The following MAP2 variants were observed in gnomAD, a reference collection of about 807,000 sequenced individuals.
The protein encoded by MAP2 is microtubule associated protein 2, also known as microtubule-associated protein 2.
In MAP2, 14 loss-of-function variants were observed where a neutral mutation model predicts 137.6. The ratio of observed to expected loss-of-function variants is 0.10; its 90% CI spans 0.07 to 0.16. MAP2 has a LOEUF of 0.16. Among genes scored for constraint, MAP2 ranks in the 10% least tolerant of loss-of-function variants. The pLI, the probability that MAP2 is intolerant of heterozygous loss-of-function variation, is 1.00. For missense variants in MAP2, 2,088 were observed against 2,191.5 expected (o/e 0.95, Z 0.94); for synonymous variants, 786 against 782.3 (o/e 1.00, Z -0.08).
intron 1 of MAP2, among the ~76,000 whole-genome samples, chr2:209,450,079 C>T (rs1392215315): frequency 6.6e-6 from 1 of 152,030 alleles, no homozygotes; most frequent in Non-Finnish European, 1.5e-5. Flanking sequence ...GTAGCTGGGA[C>T]TACAGACATG....
At chr2:209,653,798 C>T (rs2153612086) in intron 5 of MAP2, among the ~76,000 whole-genome samples, 1 of 152,242 alleles carries the variant, frequency 6.6e-6, no homozygotes, top group South Asian at 2.1e-4. Context: ...TGATTAGAAG[C>T]ATATTTTTTA....
At chr2:209,523,298 AGAGACCACACAT>A (rs1577047255) in intron 2 of MAP2, among the ~76,000 whole-genome samples, 1 of 152,174 alleles carries the variant, frequency 6.6e-6, no homozygotes, top group Non-Finnish European at 1.5e-5. Flanking sequence ...TGTTGAAGTC[AGAGACCACACAT>A]GGCTTGTCAT....
intron 3 of MAP2, among the ~76,000 whole-genome samples, chr2:209,617,023 GC>G (rs75169830): frequency 0.17 from 26,472 of 152,084 alleles, 3,438 homozygotes; most frequent in African/African-American, 0.36. Context: ...GTAGATCAAA[GC>G]ATTTCTTTAT....
At chr2:209,705,900 G>T (rs1000608186) in intron 12 of MAP2, among the ~76,000 whole-genome samples, 173 bp downstream of exon 12, 7 of 152,084 alleles carry the variant, frequency 4.6e-5, no homozygotes, top group Non-Finnish European at 8.8e-5. Context: ...ATAGCTGTTT[G>T]AGTAAAAACA....
chr2:209,514,490 A>G lies in MAP2; in HGVS notation c.-172+6849A>G, dbSNP rs552201685. 3.3e-5 allele frequency among the ~76,000 whole-genome samples: 5 copies of G among 152,232 alleles called. No homozygotes were observed. In the South Asian group the frequency reaches 1.0e-3, roughly 32 times the overall value. ...TCAGTTCTGTGGATTTAATTCACTG[A>G]CCAGCTAATCTTTATTCTTTTCCTA... is the stretch of plus-strand genomic sequence containing the variant. On this transcript the variant is annotated intron_variant, in intron 2 of 15. Transcript: ENST00000682079.
intron 1 of MAP2, among the ~76,000 whole-genome samples, chr2:209,439,649 C>T (rs1697263228): frequency 6.6e-6 from 1 of 151,410 alleles, no homozygotes; most frequent in Non-Finnish European, 1.5e-5. Flanking sequence ...ACAATTGTAG[C>T]TCCATAGAAA....
At chr2:209,726,054 G>A (rs149025513) in intron 14 of MAP2, among the ~76,000 whole-genome samples, 86 of 152,182 alleles carry the variant, frequency 5.7e-4, no homozygotes, top group African/African-American at 1.9e-3. Context: ...TACTCAACAC[G>A]CTTATTGGAG....
intron 1 of MAP2, among the ~76,000 whole-genome samples, chr2:209,478,013 A>G (rs1419974983): frequency 6.6e-6 from 1 of 152,074 alleles, no homozygotes; most frequent in Admixed American, 6.6e-5. Flanking sequence ...CAAAAAATAA[A>G]ATAAAGATAC....
chr2:209,424,283 G>T lies in MAP2; in HGVS notation c.-222+7G>T, dbSNP rs1170618059. The T allele has an allele frequency of 6.6e-6, 1 of 152,348 alleles. No individual in the cohort carries two copies. Among genetic ancestry groups the T allele is most frequent in the Admixed American group, 6.5e-5 (1 of 15,272 alleles). The allele number at this position is 152,348 out of a possible 1,614,324, so 9.4% of individuals were successfully genotyped here. A position where few individuals can be genotyped will look rare whatever the true frequency, so the allele number is the denominator to read the frequency against. ...ATCCAGTTTCTGCGCCCAGGTAAGAGACCGTCCCCACCTCTGGCTCTATGT... is the reference window on the plus strand; with the variant it reads ...ATCCAGTTTCTGCGCCCAGGTAAGATACCGTCCCCACCTCTGGCTCTATGT... On this transcript the variant is annotated splice_region_variant and intron_variant, in intron 1 of 15. Transcript: ENST00000682079.
At chr2:209,569,382 C>A (rs2074025720) in intron 2 of MAP2, among the ~76,000 whole-genome samples, 1 of 151,728 alleles carries the variant, frequency 6.6e-6, no homozygotes, top group Non-Finnish European at 1.5e-5. Context: ...CAGTTATATA[C>A]CAGACCTAGT....
At chr2:209,721,029 G>T (rs2153802131) in intron 13 of MAP2, among the ~76,000 whole-genome samples, 1 of 151,866 alleles carries the variant, frequency 6.6e-6, no homozygotes. Flanking sequence ...TGGCTTCTGA[G>T]GACTGCTGTT....
Position 209,622,727 on chromosome 2 carries a change from C to T in MAP2, c.-106-2326C>T, listed in dbSNP as rs545796733. Among the ~76,000 whole-genome samples, 16 of 152,124 alleles carry T rather than the reference C, an allele frequency of 1.1e-4. No homozygotes were observed. In the East Asian group the frequency reaches 2.1e-3, roughly 20 times the overall value. On this transcript the variant is annotated intron_variant, in intron 3 of 15. Transcript: ENST00000682079. ...ACTATCCTATGTTAATTTAAAATTTCGTATGCCTTGTGGAATAGGCCATAA... is the reference window on the plus strand; with the variant it reads ...ACTATCCTATGTTAATTTAAAATTTTGTATGCCTTGTGGAATAGGCCATAA...
chr2:209,445,136 ATCT>A (rs1432605958), intron 1 of MAP2, among the ~76,000 whole-genome samples: 1 of 151,652 alleles, frequency 6.6e-6, no homozygotes, highest in East Asian at 1.9e-4. Flanking sequence ...ACACATAAGT[ATCT>A]AATTAGCTCC....
intron 2 of MAP2, among the ~76,000 whole-genome samples, chr2:209,558,535 A>G (rs775048570): frequency 2.6e-5 from 4 of 151,684 alleles, no homozygotes; most frequent in Admixed American, 6.6e-5. Context: ...CTTCACCTCT[A>G]AACACTTCGT....
chr2:209,608,541 A>G (rs774376333), intron 3 of MAP2, among the ~76,000 whole-genome samples: 31 of 152,012 alleles, frequency 2.0e-4, no homozygotes, highest in Non-Finnish European at 3.7e-4. Flanking sequence ...ATTGAATTGT[A>G]TTGTTTTTAC....
chr2:209,566,305 C>T (rs565423777), intron 2 of MAP2, among the ~76,000 whole-genome samples: 2 of 152,264 alleles, frequency 1.3e-5, no homozygotes, highest in South Asian at 4.1e-4. Flanking sequence ...TGAATATTGA[C>T]GCTGTTCAGG....
intron 5 of MAP2, among the ~76,000 whole-genome samples, chr2:209,667,216 T>C (rs1206400274): frequency 2.6e-5 from 4 of 152,106 alleles, no homozygotes; most frequent in Non-Finnish European, 2.9e-5. Flanking sequence ...TGTTTTCAGA[T>C]CATGTCATTC....
chr2:209,501,614 T>C (rs748475890), intron 1 of MAP2, among the ~76,000 whole-genome samples: 4 of 152,176 alleles, frequency 2.6e-5, no homozygotes, highest in Admixed American at 6.5e-5. Context: ...CTAAATCCTA[T>C]TGAAAATAAT....
intron 4 of MAP2, among the ~76,000 whole-genome samples, chr2:209,651,409 A>G (rs943449930): frequency 3.3e-5 from 5 of 152,210 alleles, no homozygotes; most frequent in Admixed American, 6.5e-5. Flanking sequence ...TCCTATGCCA[A>G]TGTTGTATAT....
Sources: gnomAD v4.1 joint callset for allele counts (sites outside exome capture counted in the v4.1 genomes callset) on GRCh38, gnomAD v4.1.1 for gene constraint, MANE v1.5 for transcripts, NCBI Gene and HGNC (gene_info 2026-07-23, HGNC 2026-07-21) for gene names.